Variants in IL1RAPL1 observed in about 807,000 individuals in gnomAD.
IL1RAPL1 encodes interleukin-1 receptor accessory protein-like 1.
IL1RAPL1 carries 3 observed loss-of-function variants against 48.4 expected under a neutral mutation model. That is an observed-to-expected ratio of 0.06 (90% CI 0.03 to 0.16). The LOEUF (loss-of-function observed/expected upper bound fraction) is 0.16, where lower values mean the gene tolerates loss of function less well. IL1RAPL1 is among the 10% of genes least tolerant of loss of function. The pLI is 1.00. For missense variants in IL1RAPL1, 349 were observed against 530.6 expected (o/e 0.66, Z 3.36); for synonymous variants, 185 against 187.7 (o/e 0.99, Z 0.12).
intron 2 of IL1RAPL1, among the ~76,000 whole-genome samples, chrX:29,131,802 G>A (rs1485366266): frequency 4.5e-5 from 5 of 111,635 alleles, no homozygotes; most frequent in Admixed American, 9.6e-5. Flanking sequence ...CAAAAAGACA[G>A]ATGATCTGAC....
intron 2 of IL1RAPL1, among the ~76,000 whole-genome samples, chrX:28,881,421 G>A (rs1424157799): frequency 1.8e-5 from 2 of 111,349 alleles, no homozygotes; most frequent in East Asian, 2.8e-4. Flanking sequence ...TTTCTCTGTC[G>A]GGTGTAAGAC....
intron 5 of IL1RAPL1, among the ~76,000 whole-genome samples, chrX:29,444,769 T>C (rs1934592862): frequency 8.9e-6 from 1 of 111,920 alleles, no homozygotes; most frequent in African/African-American, 3.2e-5. Context: ...TTGAGGAAAG[T>C]ATATAAATAA....
chrX:29,347,578 C>T (rs749016068), intron 3 of IL1RAPL1, among the ~76,000 whole-genome samples: 1 of 108,930 alleles, frequency 9.2e-6, no homozygotes, highest in African/African-American at 3.3e-5. Flanking sequence ...TTTGTAGTTA[C>T]GGGGTTTCCC....
intron 6 of IL1RAPL1, among the ~76,000 whole-genome samples, chrX:29,801,550 G>A (rs1007860374): frequency 8.9e-6 from 1 of 112,244 alleles, no homozygotes; most frequent in Non-Finnish European, 1.9e-5. Flanking sequence ...GTCTCTAAGT[G>A]TGATCTTCAT....
intron 2 of IL1RAPL1, among the ~76,000 whole-genome samples, chrX:29,203,390 T>C (rs1370677441): frequency 9.0e-6 from 1 of 111,217 alleles, no homozygotes; most frequent in Middle Eastern, 4.7e-3. Context: ...AATGTTTATC[T>C]TTTTTTTGTG....
intron 3 of IL1RAPL1, among the ~76,000 whole-genome samples, chrX:29,367,666 T>C (rs1230354516): frequency 9.2e-6 from 1 of 108,610 alleles, no homozygotes; most frequent in African/African-American, 3.3e-5. Context: ...GTGCAACCTC[T>C]GCCTCCCGGG....
At chrX:29,628,439 C>T (rs1363769447) in intron 5 of IL1RAPL1, among the ~76,000 whole-genome samples, 2 of 111,341 alleles carry the variant, frequency 1.8e-5, no homozygotes, top group African/African-American at 3.3e-5. Flanking sequence ...GCATAGGGTG[C>T]CCTTGATAAG....
At chrX:29,143,184 A>AT (rs199706478) in intron 2 of IL1RAPL1, among the ~76,000 whole-genome samples, 1,243 of 111,355 alleles carry the variant, frequency 0.011, 18 homozygotes, top group African/African-American at 0.038. Flanking sequence ...GAGACAATTT[A>AT]TTTTTTTTAT....
intron 2 of IL1RAPL1, among the ~76,000 whole-genome samples, chrX:29,114,090 T>A (rs774853902): frequency 2.7e-5 from 3 of 111,933 alleles, no homozygotes; most frequent in Non-Finnish European, 5.6e-5. Context: ...TCTGTTCTTA[T>A]ACTGTTCTGT....
At chrX:29,465,996 A>G (rs910008193) in intron 5 of IL1RAPL1, among the ~76,000 whole-genome samples, 3 of 112,619 alleles carry the variant, frequency 2.7e-5, no homozygotes, top group African/African-American at 9.7e-5. Context: ...TGCCAAATTC[A>G]GCAAATAAAA....
At chrX:29,534,332 T>C (rs1921142164) in intron 5 of IL1RAPL1, among the ~76,000 whole-genome samples, 1 of 111,807 alleles carries the variant, frequency 8.9e-6, no homozygotes, top group African/African-American at 3.3e-5. Flanking sequence ...TGACAACAAT[T>C]TGACCAAAAG....
chrX:29,526,253 T>A (rs1273870497), intron 5 of IL1RAPL1, among the ~76,000 whole-genome samples: 1 of 111,766 alleles, frequency 8.9e-6, no homozygotes, highest in Non-Finnish European at 1.9e-5. Flanking sequence ...CAAATTAAAA[T>A]TGATTTAATA....
chrX:29,089,784 A>ATATATATATATATG (rs1555961763), intron 2 of IL1RAPL1, among the ~76,000 whole-genome samples: 2 of 86,344 alleles, frequency 2.3e-5, no homozygotes, highest in Admixed American at 2.7e-4. Context: ...ATATATATAT[A>ATATATATATATATG]TATGTGCATA....
At chrX:29,495,406 A>C (rs1418240068) in intron 5 of IL1RAPL1, among the ~76,000 whole-genome samples, 2 of 111,919 alleles carry the variant, frequency 1.8e-5, no homozygotes, top group Non-Finnish European at 3.8e-5. Flanking sequence ...GGGCAAAGAA[A>C]GTAGAAATGA....
chrX:28,817,246 G>A (rs1444308881), intron 2 of IL1RAPL1, among the ~76,000 whole-genome samples: 1 of 110,083 alleles, frequency 9.1e-6, no homozygotes, highest in Admixed American at 9.7e-5. Context: ...GGAAGACACA[G>A]GAAAAAAAAT....
At chrX:29,294,548 A>T (rs1237457088) in intron 3 of IL1RAPL1, among the ~76,000 whole-genome samples, 2 of 110,440 alleles carry the variant, frequency 1.8e-5, no homozygotes, top group Non-Finnish European at 1.9e-5. Flanking sequence ...AATTGTAAAA[A>T]ATTTTAGATT....
At chrX:29,860,499 A>G (rs1226296883) in intron 6 of IL1RAPL1, among the ~76,000 whole-genome samples, 1 of 110,392 alleles carries the variant, frequency 9.1e-6, no homozygotes, top group Non-Finnish European at 1.9e-5. Context: ...TCCTAATGCT[A>G]TCCCTCCCCT....
At chrX:29,661,760 G>A (rs1925853480) in intron 5 of IL1RAPL1, among the ~76,000 whole-genome samples, 1 of 111,556 alleles carries the variant, frequency 9.0e-6, no homozygotes, top group South Asian at 3.7e-4. Context: ...TCATAACTAG[G>A]GATCATGCCC....
At chrX:28,815,873 A>ATATATATATATATC (rs1936862054) in intron 2 of IL1RAPL1, among the ~76,000 whole-genome samples, 1 of 78,982 alleles carries the variant, frequency 1.3e-5, no homozygotes. Context: ...ATATATATAT[A>ATATATATATATATC]TATATATATA....
Sources: gnomAD v4.1 joint callset for allele counts (sites outside exome capture counted in the v4.1 genomes callset) on GRCh38, gnomAD v4.1.1 for gene constraint, MANE v1.5 for transcripts, NCBI Gene and HGNC (gene_info 2026-07-23, HGNC 2026-07-21) for gene names.